COL15A1: variants seen among roughly 807,000 people sequenced by gnomAD.
COL15A1 encodes collagen alpha-1(XV) chain.
A neutral mutation model predicts 165.9 loss-of-function variants in COL15A1; 111 were observed. The observed-to-expected ratio is 0.67, with a 90% confidence interval of 0.57 to 0.78. The LOEUF (loss-of-function observed/expected upper bound fraction) is 0.78. Among genes scored for constraint, COL15A1 ranks in the 30% least tolerant of loss-of-function variants. COL15A1 has a pLI of 0.00. For missense variants in COL15A1, 1,745 were observed against 1,789.7 expected, an observed-to-expected ratio of 0.98 and a Z score of 0.45; for synonymous variants, 659 against 674.8, an observed-to-expected ratio of 0.98 and a Z score of 0.36.
chr9:99,046,104 G>A (rs1250584658), intron 26 of COL15A1, among the ~76,000 whole-genome samples: 1 of 152,100 alleles, frequency 6.6e-6, no homozygotes. Flanking sequence ...AATAGTTAGT[G>A]GTGGGGGTCA....
intron 5 of COL15A1, among the ~76,000 whole-genome samples, chr9:98,993,705 C>A (rs55839374): frequency 0.028 from 4,254 of 152,278 alleles, 205 homozygotes; most frequent in African/African-American, 0.098. Context: ...GTCATGCCAC[C>A]CCTGAGCTGG....
intron 2 of COL15A1, among the ~76,000 whole-genome samples, chr9:98,965,062 A>G (rs969684127): frequency 6.6e-6 from 1 of 152,166 alleles, no homozygotes; most frequent in African/African-American, 2.4e-5. Flanking sequence ...GCAAGAAAGT[A>G]TGTCTCCTGC....
At chr9:99,060,232 TTTTATATATATATA>T (rs1825787929) in intron 36 of COL15A1, among the ~76,000 whole-genome samples, 5 of 123,532 alleles carry the variant, frequency 4.0e-5, no homozygotes, top group Non-Finnish European at 7.9e-5. Flanking sequence ...ACTTATATAT[TTTTATATATATATA>T]TATATATATA....
At chr9:98,981,633 G>A (rs556751869) in intron 2 of COL15A1, among the ~76,000 whole-genome samples, 30 of 152,278 alleles carry the variant, frequency 2.0e-4, no homozygotes, top group Admixed American at 1.6e-3. Context: ...TTAGAAACAC[G>A]TATCGAGTGG....
In COL15A1 at chr9:99,052,393, T is replaced by TCCAG. The variant is rs1456359834; in HGVS notation, c.2910_2911insCCAG (p.Thr971ProfsTer17). On this transcript the variant is annotated frameshift_variant, in exon 31 of 42. Coordinates refer to ENST00000375001, the MANE Select transcript of COL15A1 (RefSeq NM_001855.5). LOFTEE classifies it high-confidence loss of function. The stretch of plus-strand genomic sequence containing the variant: ...TGGCCTTCCTCTCTTTCCAGGTTGA[T>TCCAG]ACTGCTCATCCTGGGAGTCCAGAGC... The TCCAG allele has an allele frequency of 6.2e-7, 1 of 1,611,858 alleles. No individual in the cohort carries two copies. Among genetic ancestry groups the TCCAG allele is most frequent in the Non-Finnish European group, 8.5e-7 (1 of 1,177,864 alleles).
intron 16 of COL15A1, among the ~76,000 whole-genome samples, chr9:99,034,142 G>A (rs931178449): frequency 2.0e-5 from 3 of 152,158 alleles, no homozygotes; most frequent in African/African-American, 7.2e-5. Flanking sequence ...AAGTCTAGGG[G>A]ATACATTTCA....
intron 2 of COL15A1, among the ~76,000 whole-genome samples, chr9:98,962,315 G>A (rs1194414260): frequency 6.6e-6 from 1 of 152,166 alleles, no homozygotes; most frequent in Non-Finnish European, 1.5e-5. Flanking sequence ...GTGAGACGTG[G>A]GGGATGCATT....
chr9:98,949,443 A>G (rs1048248557), intron 2 of COL15A1, among the ~76,000 whole-genome samples: 2 of 152,216 alleles, frequency 1.3e-5, no homozygotes, highest in African/African-American at 2.4e-5. Context: ...CCCCCAACTG[A>G]GTAGACAATG....
intron 12 of COL15A1, 28 bp from the exon 13 acceptor site, chr9:99,022,063 C>T (rs373213076): frequency 2.1e-4 from 340 of 1,613,442 alleles, no homozygotes; most frequent in African/African-American, 6.8e-4. Flanking sequence ...GAGTTCCAGC[C>T]GTTCACTGAC....
chr9:99,012,000 G>A (rs1838854184), intron 9 of COL15A1, among the ~76,000 whole-genome samples: 1 of 152,120 alleles, frequency 6.6e-6, no homozygotes, highest in African/African-American at 2.4e-5. Flanking sequence ...CACAAGCAAA[G>A]GTTATCCTGT....
chr9:98,946,244 T>G (rs951468499), intron 2 of COL15A1, among the ~76,000 whole-genome samples: 4 of 152,200 alleles, frequency 2.6e-5, no homozygotes, highest in Non-Finnish European at 4.4e-5. Flanking sequence ...ATCTCTGTTT[T>G]TCAGATGAAG....
At chr9:99,044,468 T>A in intron 24 of COL15A1, 100 bp from the exon 25 acceptor site, 1 of 1,037,490 alleles carries the variant, frequency 9.6e-7, no homozygotes, top group South Asian at 1.3e-5. Context: ...GACTCAGAGG[T>A]CTCTGTACAA....
chr9:98,992,741 A>G (rs1838466016), intron 5 of COL15A1, among the ~76,000 whole-genome samples: 1 of 152,230 alleles, frequency 6.6e-6, no homozygotes, highest in South Asian at 2.1e-4. Flanking sequence ...AGATTCAAAA[A>G]TGAATGCCCA....
intron 16 of COL15A1, 146 bp downstream of exon 16, chr9:99,026,112 C>A: frequency 1.4e-6 from 1 of 721,848 alleles, no homozygotes. Context: ...CTGGATGTCT[C>A]CATCATGGGA....
At chr9:98,945,646 C>A (rs1837569618) in intron 2 of COL15A1, among the ~76,000 whole-genome samples, 1 of 152,230 alleles carries the variant, frequency 6.6e-6, no homozygotes, top group African/African-American at 2.4e-5. Context: ...GCTTTTCCTG[C>A]CAGAGTGTCC....
intron 16 of COL15A1, among the ~76,000 whole-genome samples, chr9:99,026,356 C>T (rs1457674188): frequency 2.0e-5 from 3 of 152,222 alleles, no homozygotes; most frequent in Admixed American, 6.5e-5. Context: ...TCTTCTCATT[C>T]GCACGGTGGC....
At chr9:98,944,681 T>C (rs1837548837) in intron 2 of COL15A1, among the ~76,000 whole-genome samples, 1 of 152,238 alleles carries the variant, frequency 6.6e-6, no homozygotes. Flanking sequence ...GAGGGACATC[T>C]GGGGCTTTTG....
Position 99,016,101 on chromosome 9 carries a change from T to A in COL15A1, c.1629T>A (p.Pro543=). 1 of 1,612,210 alleles carries A rather than the reference T, an allele frequency of 6.2e-7. No homozygotes were observed. The highest frequency in any genetic ancestry group is 8.5e-7 in the Non-Finnish European group (1 of 1,179,104). The part of the protein sequence containing the change: ...GPPLPLPTVA[P]ERWITPAQRE... Reference sequence around the variant, plus strand: ...CGCTGCCCCTGCCCACAGTGGCTCCTGAAAGATGGATCACTCCAGTAAGTG... The same window carrying A: ...CGCTGCCCCTGCCCACAGTGGCTCCAGAAAGATGGATCACTCCAGTAAGTG... Residue 543 remains proline, a synonymous_variant, in exon 11 of 42, where the codon CCT becomes CCA. Transcript: ENST00000375001.
intron 36 of COL15A1, among the ~76,000 whole-genome samples, chr9:99,060,813 G>A (rs746999583): frequency 3.3e-5 from 5 of 152,094 alleles, no homozygotes; most frequent in Admixed American, 6.5e-5. Flanking sequence ...CTGGGAAGTC[G>A]AGGCTCCAGT....
Sources: allele counts gnomAD v4.1 joint callset (sites outside exome capture counted in the v4.1 genomes callset), GRCh38; gene constraint gnomAD v4.1.1; transcripts MANE v1.5; gene names NCBI Gene and HGNC (gene_info 2026-07-23, HGNC 2026-07-21).